The following PARP16 variants were observed in gnomAD, a reference collection of about 807,000 sequenced individuals.
PARP16 encodes poly(ADP-ribose) polymerase family member 16.
In PARP16, 31 loss-of-function variants were observed where a neutral mutation model predicts 35.0. That is an observed-to-expected ratio of 0.88 (90% CI 0.66 to 1.19). The LOEUF is 1.19. Ranked by LOEUF, PARP16 falls within the 50% of genes most tolerant of loss-of-function variation. PARP16 has a pLI of 0.00. For synonymous variants in PARP16, 162 were observed against 169.5 expected, an observed-to-expected ratio of 0.96 and a Z score of 0.34; for missense variants, 424 against 411.2, an observed-to-expected ratio of 1.03 and a Z score of -0.27.
rs568927364 is a variant in PARP16, at chr15:65,237,637, C to T, written c.*98-2814G>A. 2.3e-4 allele frequency among the ~76,000 whole-genome samples: 35 copies of T among 152,164 alleles called. No individual in the cohort carries two copies. The South Asian group carries it at 6.9e-3, about 30-fold the overall frequency. ...CAAGGAAGGCCAACAGCTGCCAGAG[C>T]TGGAAGAGTCAAAGAACAACATCTC... On this transcript the variant is annotated intron_variant and NMD_transcript_variant, in intron 3 of 3. Coordinates refer to the PARP16 transcript ENST00000559805.
At chr15:65,266,921 G>A (rs749637436) in intron 2 of PARP16, among the ~76,000 whole-genome samples, 153 bp from the exon 3 acceptor site, 4 of 152,180 alleles carry the variant, frequency 2.6e-5, no homozygotes, top group Admixed American at 2.0e-4. Context: ...AACTCAGAGC[G>A]TATAGCACAA....
chr15:65,267,946 C>T (rs186907526), intron 2 of PARP16, among the ~76,000 whole-genome samples: 2 of 152,008 alleles, frequency 1.3e-5, no homozygotes, highest in East Asian at 3.9e-4. Flanking sequence ...CCGCCTCAGC[C>T]GCCCAAAGTG....
intron 2 of PARP16, among the ~76,000 whole-genome samples, chr15:65,268,687 T>C (rs2089984657): frequency 6.6e-6 from 1 of 152,046 alleles, no homozygotes; most frequent in Non-Finnish European, 1.5e-5. Flanking sequence ...CAAGCAATCC[T>C]CCCACCTTGG....
At chr15:65,271,953 C>T (rs1473023006) in intron 1 of PARP16, among the ~76,000 whole-genome samples, 1 of 152,200 alleles carries the variant, frequency 6.6e-6, no homozygotes, top group East Asian at 1.9e-4. Context: ...ATGGGGAATG[C>T]ATAACTTTGG....
intron 3 of PARP16, among the ~76,000 whole-genome samples, chr15:65,240,945 G>A (rs1256430220): frequency 6.6e-6 from 1 of 151,554 alleles, no homozygotes; most frequent in Non-Finnish European, 1.5e-5. Flanking sequence ...CAATTCTCGT[G>A]CCTCAGCCTC....
chr15:65,241,065 A>C (rs181432796), intron 3 of PARP16, among the ~76,000 whole-genome samples: 1 of 150,308 alleles, frequency 6.7e-6, no homozygotes, highest in African/African-American at 2.5e-5. Context: ...TGAACTCCTG[A>C]CCTCAAGTGA....
At chr15:65,263,948 G>A (rs1230012778) in intron 3 of PARP16, among the ~76,000 whole-genome samples, 1 of 152,026 alleles carries the variant, frequency 6.6e-6, no homozygotes, top group Non-Finnish European at 1.5e-5. Context: ...GAGGTAATCT[G>A]AGTCATTACT....
chr15:65,246,277 C>T (rs2089206749), intron 3 of PARP16, among the ~76,000 whole-genome samples: 1 of 152,194 alleles, frequency 6.6e-6, no homozygotes, highest in African/African-American at 2.4e-5. Flanking sequence ...CCGAGATAGT[C>T]ACCCCCAGCA....
At chr15:65,268,418 A>C (rs1186781806) in intron 2 of PARP16, among the ~76,000 whole-genome samples, 1 of 151,980 alleles carries the variant, frequency 6.6e-6, no homozygotes, top group Non-Finnish European at 1.5e-5. Context: ...CAACCAACCC[A>C]CAAAATCATG....
downstream of PARP16, chr15:65,234,333 T>G (rs1359948802): frequency 6.6e-6 from 1 of 152,162 alleles, no homozygotes; most frequent in African/African-American, 2.4e-5. Flanking sequence ...AGCTGAGAGT[T>G]TCCGGGATTC....
downstream of PARP16, among the ~76,000 whole-genome samples, chr15:65,232,269 T>G (rs780396347): frequency 9.2e-5 from 14 of 152,164 alleles, no homozygotes; most frequent in Non-Finnish European, 1.9e-4. Flanking sequence ...AATTTTAGGT[T>G]TTTTAGACTT....
chr15:65,265,581 C>T (rs569021979), intron 3 of PARP16, among the ~76,000 whole-genome samples: 72 of 152,260 alleles, frequency 4.7e-4, no homozygotes, highest in Non-Finnish European at 8.1e-4. Context: ...GACCTCTCCT[C>T]GGTGCATCTT....
chr15:65,244,574 C>T (rs746319116), intron 3 of PARP16, among the ~76,000 whole-genome samples: 3 of 152,166 alleles, frequency 2.0e-5, no homozygotes, highest in Non-Finnish European at 4.4e-5. Context: ...CCACCGGGTC[C>T]CTCCCACAAC....
chr15:65,250,842 GGC>G (rs2089340055), intron 2 of PARP16, among the ~76,000 whole-genome samples: 1 of 152,194 alleles, frequency 6.6e-6, no homozygotes, highest in African/African-American at 2.4e-5. Context: ...AAAACACAGT[GGC>G]GCGCGTGTGT....
downstream of PARP16, among the ~76,000 whole-genome samples, chr15:65,255,557 C>T (rs2089476422): frequency 6.6e-6 from 1 of 151,844 alleles, no homozygotes; most frequent in Non-Finnish European, 1.5e-5. Context: ...CAGAGTTTTC[C>T]TTCCCCCATA....
downstream of PARP16, among the ~76,000 whole-genome samples, chr15:65,232,125 A>G (rs1395135368): frequency 6.6e-6 from 1 of 152,146 alleles, no homozygotes; most frequent in Non-Finnish European, 1.5e-5. Flanking sequence ...ATGGTGGCTC[A>G]ACACTGGTAA....
At chr15:65,254,561 C>T (rs4776263), downstream of PARP16, among the ~76,000 whole-genome samples, 145,767 of 150,316 alleles carry the variant, frequency 0.97, 70,799 homozygotes, top group East Asian at 1. Flanking sequence ...AGGAGGGGAG[C>T]GGGGAGAGAG....
At chr15:65,260,847 C>A (rs2089685846) in intron 5 of PARP16, 38 bp downstream of exon 5, 1 of 1,601,130 alleles carries the variant, frequency 6.2e-7, no homozygotes, top group South Asian at 1.1e-5. Context: ...AAAGCCAGCA[C>A]TCTGAATACA....
intron 4 of PARP16, among the ~76,000 whole-genome samples, chr15:65,262,378 C>A (rs910748112): frequency 6.6e-6 from 1 of 152,102 alleles, no homozygotes; most frequent in East Asian, 1.9e-4. Context: ...GTGATCCACC[C>A]GACTTGGCCT....
Sources: gnomAD v4.1 joint callset for allele counts (sites outside exome capture counted in the v4.1 genomes callset) on GRCh38, gnomAD v4.1.1 for gene constraint, MANE v1.5 for transcripts, NCBI Gene and HGNC (gene_info 2026-07-23, HGNC 2026-07-21) for gene names.